OR6F1: variants seen among roughly 807,000 people sequenced by gnomAD.
The protein encoded by OR6F1 is olfactory receptor 6F1.
For synonymous variants in OR6F1, 144 were observed against 150.0 expected (o/e 0.96, Z 0.29); for missense variants, 346 against 376.0 (o/e 0.92, Z 0.66).
chr1:247,712,701 C>A lies in OR6F1; in HGVS notation c.55G>T (p.Gly19Cys), dbSNP rs1298880732. 6.2e-7 allele frequency: 1 copy of A among 1,610,048 alleles called. No homozygotes were observed. Among genetic ancestry groups the A allele is most frequent in the Non-Finnish European group, 8.5e-7 (1 of 1,179,866 alleles). ...PQDFLLLGFP[G>C]SQTLQLSLFM... ...AGAGAGAGCTGAAGAGTTTGAGAAC[C>A]AGGAAAGCCCAGTAAGAGAAAGTCC... Residue 19 changes from glycine (G) to cysteine (C), a missense_variant, in exon 3 of 3, where the codon GGT (glycine) becomes TGT (cysteine). Coordinates refer to ENST00000641470, the MANE Select transcript of OR6F1 (RefSeq NM_001005286.2).
In OR6F1 at chr1:247,712,810, A is replaced by G. The variant is rs1346297187; in HGVS notation, c.-55T>C. ...CCGCACTGAGCCCTTTAACCCAATC[A>G]CACAGTCCTAGAAAGATAAAAAGAA... On this transcript the variant is annotated 5_prime_UTR_variant, in exon 3 of 3. An upstream open reading frame in the 5' UTR loses its in-frame stop. Transcript: ENST00000641470. 4.4e-6 allele frequency: 4 copies of G among 905,722 alleles called. No individual in the cohort carries two copies. The highest frequency in any genetic ancestry group is 1.7e-6 in the Non-Finnish European group (1 of 576,842). The allele number at this position is 905,722 out of a possible 1,614,324, so 56.1% of individuals were successfully genotyped here. A position where few individuals can be genotyped will look rare whatever the true frequency, so the allele number is the denominator to read the frequency against.
intron 2 of OR6F1, among the ~76,000 whole-genome samples, chr1:247,713,157 T>A (rs552352821): frequency 6.6e-6 from 1 of 152,218 alleles, no homozygotes; most frequent in African/African-American, 2.4e-5. Context: ...CTGAATTTAC[T>A]ACATTTTAAC....
intron 1 of OR6F1, 82 bp from the exon 2 acceptor site, chr1:247,714,036 A>C (rs906510116): frequency 1.0e-5 from 4 of 398,246 alleles, no homozygotes; most frequent in African/African-American, 4.1e-5. Context: ...TATGTTTCCA[A>C]ATGTCACTGG....
rs558770938 is a variant in OR6F1 at position 247,713,328 on chromosome 1, CA to C, written c.-62-512del. Among the ~76,000 whole-genome samples, 694 of 152,208 alleles carry C rather than the reference CA, an allele frequency of 4.6e-3. 4 individuals carry two copies. The highest frequency in any genetic ancestry group is 0.015 in the African/African-American group (640 of 41,528). On this transcript the variant is annotated intron_variant, in intron 2 of 2. Transcript: ENST00000641470. Reference sequence around the variant, plus strand: ...TTCAAAAATAATGTTCAAAAGTCACCAAAGGTAACTTTAAAATTAGTTTCAA... The same window carrying C: ...TTCAAAAATAATGTTCAAAAGTCACCAAGGTAACTTTAAAATTAGTTTCAA...
chr1:247,714,657 T>A (rs1366590891), intron 1 of OR6F1, among the ~76,000 whole-genome samples: 1 of 152,038 alleles, frequency 6.6e-6, no homozygotes, highest in Non-Finnish European at 1.5e-5. Context: ...AGGAAAATAT[T>A]TTTTTCCTCC....
chr1:247,714,760 C>T (rs1159698710), intron 1 of OR6F1, among the ~76,000 whole-genome samples: 2 of 152,044 alleles, frequency 1.3e-5, no homozygotes, highest in African/African-American at 4.8e-5. Flanking sequence ...GAATAAGAAA[C>T]ACAAAGAAAG....
At chr1:247,715,656 T>C (rs1484036796) in intron 1 of OR6F1, among the ~76,000 whole-genome samples, 2 of 152,222 alleles carry the variant, frequency 1.3e-5, no homozygotes, top group Admixed American at 1.3e-4. Context: ...GAGAAAAATA[T>C]AGTTTGATTT....
intron 1 of OR6F1, among the ~76,000 whole-genome samples, chr1:247,714,497 T>C (rs1020457299): frequency 4.6e-5 from 7 of 152,212 alleles, no homozygotes; most frequent in Non-Finnish European, 1.0e-4. Context: ...TAAGACCAAG[T>C]TCTAACCAAT....
At position 247,712,374 on chromosome 1, in the gene OR6F1, A is replaced by G; in HGVS notation, c.382T>C (p.Tyr128His). The change falls in exon 3 of 3, where the codon TAT becomes CAT. Residue 128 changes from tyrosine (Y) to histidine (H), a missense_variant. Tyr to His is a moderately conservative substitution (Grantham distance 83). Coordinates refer to ENST00000641470, the MANE Select transcript of OR6F1 (RefSeq NM_001005286.2). ...MAYDRCLAIC[Y>H]PLHYGAIMSS... ...ATGATGGCTCCGTAGTGTAAAGGAT[A>G]GCAGATGGCAAGACAGCGGTCATAA... The G allele has an allele frequency of 6.2e-7, 1 of 1,614,202 alleles. No homozygotes were observed. Among genetic ancestry groups the G allele is most frequent in the South Asian group, 1.1e-5 (1 of 91,080 alleles).
Position 247,712,112 on chromosome 1 carries a change from A to C in OR6F1, c.644T>G (p.Phe215Cys), listed in dbSNP as rs775812706. 2.5e-6 allele frequency: 4 copies of C among 1,614,110 alleles called. No individual in the cohort carries two copies. The African/African-American group carries it at 5.3e-5, about 22-fold the overall frequency. The change falls in exon 3 of 3, where the codon TTT becomes TGT. Residue 215 changes from phenylalanine (F) to cysteine (C), a missense_variant. Phe to Cys is a radical substitution (Grantham distance 205). Transcript: ENST00000641470. Reference protein sequence around the residue: ...VVILSSCLITFVSYVYIISTI... With the variant: ...VVILSSCLITCVSYVYIISTI... Reference sequence around the variant, plus strand: ...GCTGATGATGTACACATAGGAGACAAAGGTGATGAGGCATGAACTCAGGAT... The same window carrying C: ...GCTGATGATGTACACATAGGAGACACAGGTGATGAGGCATGAACTCAGGAT...
At chr1:247,712,939 T>TA in intron 2 of OR6F1, 122 bp from the exon 3 acceptor site, 1 of 506,152 alleles carries the variant, frequency 2.0e-6, no homozygotes, top group South Asian at 3.7e-5. Context: ...TAATATCAGT[T>TA]ATTTTAATGA....
chr1:247,711,772 G>A lies in OR6F1; in HGVS notation c.*57C>T. ...CCCTATTCCTCCACATTCTTACTTGGAACCTCTGTATAGATGCAGAGACCA... is the reference window on the plus strand; with the variant it reads ...CCCTATTCCTCCACATTCTTACTTGAAACCTCTGTATAGATGCAGAGACCA... On this transcript the variant is annotated 3_prime_UTR_variant, in exon 3 of 3. Transcript: ENST00000641470. The A allele has an allele frequency of 8.8e-7, 1 of 1,131,964 alleles. No individual in the cohort carries two copies. Among genetic ancestry groups the A allele is most frequent in the Non-Finnish European group, 1.3e-6 (1 of 772,706 alleles). 70.1% of individuals were successfully genotyped at this position (1,131,964 alleles called of 1,614,324 possible). A position where few individuals can be genotyped will look rare whatever the true frequency, so the allele number is the denominator to read the frequency against.
At chr1:247,715,472 G>C (rs527529846) in intron 1 of OR6F1, among the ~76,000 whole-genome samples, 1 of 152,210 alleles carries the variant, frequency 6.6e-6, no homozygotes, top group East Asian at 1.9e-4. Context: ...TACTTATGCT[G>C]CTGAATTTGT....
At position 247,711,943 on chromosome 1, in the gene OR6F1, G is replaced by A. The variant is rs1051149091; in HGVS notation, c.813C>T (p.Ile271=). The change falls in exon 3 of 3, where the codon ATC becomes ATT. Residue 271 remains isoleucine (I), a synonymous_variant. Transcript: ENST00000641470. ...CAGTGTTCAGGACGTGGACAGCTTT[G>A]ATCAGATCCAAGGCATCTTTGATAG... The part of the protein sequence containing the change: ...RTSIKDALDL[I]KAVHVLNTVV... The A allele has an allele frequency of 6.2e-7, 1 of 1,613,800 alleles. No individual in the cohort carries two copies. Among genetic ancestry groups the A allele is most frequent in the South Asian group, 1.1e-5 (1 of 91,070 alleles).
At chr1:247,714,521 C>T (rs1419483731) in intron 1 of OR6F1, among the ~76,000 whole-genome samples, 3 of 152,190 alleles carry the variant, frequency 2.0e-5, no homozygotes, top group Non-Finnish European at 4.4e-5. Flanking sequence ...TTGAATTACT[C>T]ATCCCTGAAT....
chr1:247,715,849 T>C (rs919394390), intron 1 of OR6F1, among the ~76,000 whole-genome samples: 1 of 152,172 alleles, frequency 6.6e-6, no homozygotes, highest in African/African-American at 2.4e-5. Flanking sequence ...AAACATGCAC[T>C]ATCTTATTTA....
At chr1:247,715,565 G>T (rs1232952635) in intron 1 of OR6F1, among the ~76,000 whole-genome samples, 1 of 152,084 alleles carries the variant, frequency 6.6e-6, no homozygotes, top group Non-Finnish European at 1.5e-5. Flanking sequence ...CTCTAGACTC[G>T]AGTGTTTCTC....
chr1:247,714,283 T>C (rs1456915541), intron 1 of OR6F1, among the ~76,000 whole-genome samples: 1 of 152,116 alleles, frequency 6.6e-6, no homozygotes, highest in Non-Finnish European at 1.5e-5. Context: ...TTGGATGATT[T>C]TTAATCACCA....
Position 247,712,532 on chromosome 1 carries a change from G to C in OR6F1, c.224C>G (p.Thr75Arg). 1.9e-6 allele frequency: 3 copies of C among 1,613,726 alleles called. No homozygotes were observed. The highest frequency in any genetic ancestry group is 2.5e-6 in the Non-Finnish European group (3 of 1,179,592). Residue 75 changes from threonine to arginine, a missense_variant, in exon 3 of 3, where the codon ACA (threonine) becomes AGA (arginine). Transcript: ENST00000641470. ...GGCCAGTGCTTTGGGCACTGCTGCT[G>C]TGGTATACCAAATCTCCAGGAAGGA... ...NLSFLEIWYT[T>R]AAVPKALAIL...
Sources: allele counts gnomAD v4.1 joint callset (sites outside exome capture counted in the v4.1 genomes callset), GRCh38; gene constraint gnomAD v4.1.1; transcripts MANE v1.5; gene names NCBI Gene and HGNC (gene_info 2026-07-23, HGNC 2026-07-21).